The following NBEAL2 variants were observed in gnomAD, a reference collection of about 807,000 sequenced individuals.
NBEAL2 encodes neurobeachin like 2, also known as neurobeachin-like protein 2.
A neutral mutation model predicts 299.8 loss-of-function variants in NBEAL2; 160 were observed. The observed-to-expected ratio is 0.53, with a 90% CI of 0.47 to 0.61. The LOEUF is 0.61. Among genes scored for constraint, NBEAL2 ranks in the 20% least tolerant of loss-of-function variants. The pLI is 0.00. For synonymous variants in NBEAL2, 1,493 were observed against 1,542.3 expected (o/e 0.97, Z 0.75); for missense variants, 3,112 against 3,649.0 (o/e 0.85, Z 3.79).
rs1054543302 is a variant in NBEAL2 at position 46,994,288 on chromosome 3, G to T, written c.1198-167G>T. 2.2e-4 allele frequency among the ~76,000 whole-genome samples: 34 copies of T among 152,086 alleles called. 1 individual carries two copies. Among genetic ancestry groups the T allele is most frequent in the Non-Finnish European group, 1.0e-4 (7 of 68,004 alleles). On this transcript the variant is annotated intron_variant, in intron 11 of 53. Coordinates refer to ENST00000450053, the MANE Select transcript of NBEAL2 (RefSeq NM_015175.3). ...CTACAGCCTTCTGAGATGTACTCAC[G>T]TCCCCCCCATCCCTCTGCAGCCCAC...
intron 18 of NBEAL2, 31 bp downstream of exon 18, chr3:46,997,077 G>A: frequency 1.3e-6 from 2 of 1,597,554 alleles, no homozygotes; most frequent in Non-Finnish European, 1.7e-6. Flanking sequence ...GGTGTGTGCA[G>A]GAGGCATGAA....
intron 1 of NBEAL2, among the ~76,000 whole-genome samples, chr3:46,983,200 G>T (rs1340790416): frequency 6.6e-6 from 1 of 151,950 alleles, no homozygotes; most frequent in Non-Finnish European, 1.5e-5. Flanking sequence ...AGGCAACCTC[G>T]TCCTGCCTAC....
chr3:46,986,468 AG>A (rs2035679439), intron 1 of NBEAL2, among the ~76,000 whole-genome samples: 1 of 152,216 alleles, frequency 6.6e-6, no homozygotes, highest in South Asian at 2.1e-4. Flanking sequence ...CTGGAGAAGC[AG>A]GTTCTGGTTG....
At chr3:46,993,383 G>A (rs2036248039) in intron 10 of NBEAL2, among the ~76,000 whole-genome samples, 1 of 152,184 alleles carries the variant, frequency 6.6e-6, no homozygotes, top group Admixed American at 6.5e-5. Flanking sequence ...GGTGGGGCAG[G>A]AGAGGCAGCA....
Position 46,989,335 on chromosome 3 carries a change from G to T in NBEAL2, c.427G>T (p.Glu143Ter). 1 of 1,591,842 alleles carries T rather than the reference G, an allele frequency of 6.3e-7. No individual in the cohort carries two copies. Among genetic ancestry groups the T allele is most frequent in the Non-Finnish European group, 8.6e-7 (1 of 1,169,302 alleles). Residue 143 changes from glutamate (E) to a stop codon, truncating the protein, a stop_gained, in exon 5 of 54, where the codon GAG becomes TAG. Transcript: ENST00000450053. LOFTEE classifies it high-confidence loss of function. This position sits in a 1 kb window ranked among gnomAD's most constrained non-coding sequence, Gnocchi z 5.5. ...GGCCCTACATGCTCTGCTTCTCTGC[G>T]AGGGCCTCTTTGACCCTTACCAAAC... ...NVALHALLLC[E>*]GLFDPYQTWR...
Position 46,995,957 on chromosome 3 carries a change from C to T in NBEAL2, c.2057C>T (p.Pro686Leu). The T allele has an allele frequency of 6.2e-7, 1 of 1,613,390 alleles. No homozygotes were observed. The highest frequency in any genetic ancestry group is 8.5e-7 in the Non-Finnish European group (1 of 1,179,804). The change falls in exon 15 of 54, where the codon CCT becomes CTT. Residue 686 changes from proline to leucine, a missense_variant. By Grantham distance (98) the Pro-to-Leu change is moderately conservative (BLOSUM62 -3). Coordinates refer to ENST00000450053, the MANE Select transcript of NBEAL2 (RefSeq NM_015175.3). Reference protein sequence around the residue: ...AWHCVAIVHVPGRRPFSQNLV... With the variant: ...AWHCVAIVHVLGRRPFSQNLV... The stretch of plus-strand genomic sequence containing the variant: ...CACTGCGTGGCTATCGTCCATGTGC[C>T]TGGGCGCCGGCCCTTCAGCCAGAAC...
rs1369727907 is a variant in NBEAL2, at chr3:46,995,822, A to C, written c.2007A>C (p.Glu669Asp). The part of the protein sequence containing the change: ...RKEYLTMSLP[E>D]VSFADSAWHC... ...AGTATTTGACCATGAGTTTGCCCGA[A>C]GTGTCCTTTGCCGACTCTGCCTGGG... is the stretch of plus-strand genomic sequence containing the variant. Residue 669 changes from glutamate to aspartate, a missense_variant, in exon 14 of 54, where the codon GAA (glutamate) becomes GAC (aspartate). Glu to Asp is a conservative substitution (Grantham distance 45, BLOSUM62 2). This residue lies in a region of NBEAL2 where 2,243 missense variants were observed against 2,538.1 expected (regional missense o/e 0.88). Coordinates refer to ENST00000450053, the MANE Select transcript of NBEAL2 (RefSeq NM_015175.3). 11 of 1,613,716 alleles carry C rather than the reference A, an allele frequency of 6.8e-6. No individual in the cohort carries two copies. The highest frequency in any genetic ancestry group is 7.6e-6 in the Non-Finnish European group (9 of 1,179,882).
At chr3:46,986,962 A>G (rs1427989114) in intron 1 of NBEAL2, among the ~76,000 whole-genome samples, 1 of 151,892 alleles carries the variant, frequency 6.6e-6, no homozygotes, top group Non-Finnish European at 1.5e-5. Context: ...TGCCAGCAGG[A>G]GAGGGTGGAG....
rs748474569 is a variant in NBEAL2, at chr3:47,006,146, G to A, written c.6920-19G>A. 11 of 1,613,570 alleles carry A rather than the reference G, an allele frequency of 6.8e-6. No individual in the cohort carries two copies. The highest frequency in any genetic ancestry group is 5.0e-5 in the Admixed American group (3 of 59,998). On this transcript the variant is annotated intron_variant, in intron 43 of 53. Coordinates refer to ENST00000450053, the MANE Select transcript of NBEAL2 (RefSeq NM_015175.3). ...AGAGGGCACGCAGGGAGCCCTGACT[G>A]CTCTGCCTGCCTTCCCAGGGGCTGT... is the stretch of plus-strand genomic sequence containing the variant.
rs1189467291 is a variant in NBEAL2 at position 46,988,103 on chromosome 3, T to C, written c.52-566T>C. On this transcript the variant is annotated intron_variant, in intron 1 of 53. Transcript: ENST00000450053. This position sits in a 1 kb window ranked among gnomAD's most constrained non-coding sequence, Gnocchi z 4.4. ...GTAACCAGCAAGGGTGGGTGGAGGT[T>C]CCCGGGGCAAGGCAGGGCCGCACAT... 1 of 1,200,150 alleles carries C rather than the reference T, an allele frequency of 8.3e-7. No homozygotes were observed. Among genetic ancestry groups the C allele is most frequent in the Non-Finnish European group, 1.1e-6 (1 of 944,578 alleles). The allele number at this position is 1,200,150 out of a possible 1,614,324, so 74.3% of individuals were successfully genotyped here.
At position 46,989,009 on chromosome 3, in the gene NBEAL2, C is replaced by A; in HGVS notation, c.269+39C>A. On this transcript the variant is annotated intron_variant, in intron 3 of 53. Transcript: ENST00000450053. The surrounding 1 kb of genome is among the most constrained non-coding windows in gnomAD (Gnocchi z 5.5). The stretch of plus-strand genomic sequence containing the variant: ...CCACTCTACAAGCAGGGGCCTAGAA[C>A]TGTGGGCCAGAGGGAGAGGGGACAA... 1.2e-6 allele frequency: 2 copies of A among 1,612,224 alleles called. No individual in the cohort carries two copies. Among genetic ancestry groups the A allele is most frequent in the Non-Finnish European group, 1.7e-6 (2 of 1,179,102 alleles).
chr3:46,980,142 A>G (rs1367191173), intron 1 of NBEAL2, among the ~76,000 whole-genome samples: 1 of 152,158 alleles, frequency 6.6e-6, no homozygotes, highest in Non-Finnish European at 1.5e-5. Flanking sequence ...TGCACTTCAT[A>G]GCAACCCACC....
rs750925242 is a variant in NBEAL2, at chr3:46,989,092, G to A, written c.277G>A (p.Glu93Lys). The change falls in exon 4 of 54, where the codon GAG becomes AAG. Residue 93 changes from glutamate (E) to lysine (K), a missense_variant. Transcript: ENST00000450053. This position sits in a 1 kb window ranked among gnomAD's most constrained non-coding sequence, Gnocchi z 5.5. The part of the protein sequence containing the change: ...KLFIILCRNL[E>K]NIEAGRGQVL... ...CATCATTGACTCCCCCAGGAACCTG[G>A]AGAACATAGAGGCAGGCCGGGGCCA... 2.8e-5 allele frequency: 45 copies of A among 1,613,654 alleles called. No homozygotes were observed. The highest frequency in any genetic ancestry group is 3.7e-5 in the Non-Finnish European group (44 of 1,179,820).
chr3:46,999,617 C>T lies in NBEAL2; in HGVS notation c.3704-13C>T, dbSNP rs911584818. ...TGGTCAGTCCCTCAGGTCCCCCCAA[C>T]CCATCCCCCCAGATTGCCTGAACCT... On this transcript the variant is annotated splice_polypyrimidine_tract_variant and intron_variant, in intron 25 of 53. Coordinates refer to ENST00000450053, the MANE Select transcript of NBEAL2 (RefSeq NM_015175.3). 2.5e-6 allele frequency: 4 copies of T among 1,607,484 alleles called. No homozygotes were observed. The African/African-American group carries it at 5.3e-5, about 21-fold the overall frequency.
rs1321669218 is a variant in NBEAL2 at position 46,988,014 on chromosome 3, C to G, written c.52-655C>G. 23 of 1,278,476 alleles carry G rather than the reference C, an allele frequency of 1.8e-5. No homozygotes were observed. The highest frequency in any genetic ancestry group is 2.1e-5 in the Non-Finnish European group (21 of 983,382). The allele number at this position is 1,278,476 out of a possible 1,614,324, so 79.2% of individuals were successfully genotyped here. A position where few individuals can be genotyped will look rare whatever the true frequency, so the allele number is the denominator to read the frequency against. ...CACACCAAAGTTTTCCTGGCAGCGC[C>G]TAGACCTGGGCTTAGCCACTGCCCC... On this transcript the variant is annotated intron_variant, in intron 1 of 53. Transcript: ENST00000450053. The surrounding 1 kb of genome is among the most constrained non-coding windows in gnomAD (Gnocchi z 4.4).
Position 46,995,732 on chromosome 3 carries a change from C to G in NBEAL2, c.1917C>G (p.Gly639=). ...CCCCCAGCTTCTTTACCAGCAGCGG[C>G]TCAGGGTTTGAGGCCTTCTTCACGG... ...KQLYSFFTSS[G]SGFEAFFTAA... is the part of the protein sequence containing the mutation. The change falls in exon 14 of 54, where the codon GGC becomes GGG. Residue 639 remains glycine, a synonymous_variant. Transcript: ENST00000450053. 6.2e-7 allele frequency: 1 copy of G among 1,613,602 alleles called. No homozygotes were observed. The highest frequency in any genetic ancestry group is 8.5e-7 in the Non-Finnish European group (1 of 1,179,796).
rs773730989 is a variant in NBEAL2 at position 47,003,203 on chromosome 3, G to T, written c.5614G>T (p.Ala1872Ser). 2 of 1,611,950 alleles carry T rather than the reference G, an allele frequency of 1.2e-6. No homozygotes were observed. The highest frequency in any genetic ancestry group is 1.7e-6 in the Non-Finnish European group (2 of 1,178,906). Residue 1872 changes from alanine to serine, a missense_variant, in exon 35 of 54, where the codon GCC becomes TCC. Coordinates refer to ENST00000450053, the MANE Select transcript of NBEAL2 (RefSeq NM_015175.3). The surrounding 1 kb of genome is among the most constrained non-coding windows in gnomAD (Gnocchi z 7.0). ...GEVPLTPTEEASLPLAVTKEA... is the reference protein window; with the variant it reads ...GEVPLTPTEESSLPLAVTKEA... The stretch of plus-strand genomic sequence containing the variant: ...GGTTCCCCTGACACCCACCGAGGAG[G>T]CCTCACTGCCTCTGGCAGTGACCAA...
Position 47,007,506 on chromosome 3 carries a change from A to T in NBEAL2, c.7335-19A>T, listed in dbSNP as rs370058494. ...TCCATGTGGCCTGGCCTCACTTGCT[A>T]TCCCCCTCACTGGGTCAGGACGCAG... On this transcript the variant is annotated intron_variant, in intron 47 of 53. Coordinates refer to ENST00000450053, the MANE Select transcript of NBEAL2 (RefSeq NM_015175.3). 5 of 1,602,658 alleles carry T rather than the reference A, an allele frequency of 3.1e-6. No individual in the cohort carries two copies. In the African/African-American group the frequency reaches 6.7e-5, roughly 21 times the overall value.
chr3:46,999,648 A>C lies in NBEAL2; in HGVS notation c.3722A>C (p.Asp1241Ala). Reference protein sequence around the residue: ...FLGADCLNLSDLLAVVQLSLQ... With the variant: ...FLGADCLNLSALLAVVQLSLQ... ...CCCCCAGATTGCCTGAACCTCTCAGATCTGCTGGCTGTGGTACAGCTGTCC... is the reference window on the plus strand; with the variant it reads ...CCCCCAGATTGCCTGAACCTCTCAGCTCTGCTGGCTGTGGTACAGCTGTCC... The change falls in exon 26 of 54, where the codon GAT becomes GCT. Residue 1241 changes from aspartate (D) to alanine (A), a missense_variant. By Grantham distance (126) the Asp-to-Ala change is moderately radical. Around this residue, in one of 3 missense-constraint regions of NBEAL2, gnomAD observed 2,243 missense variants for 2,538.1 expected, o/e 0.88. Coordinates refer to ENST00000450053, the MANE Select transcript of NBEAL2 (RefSeq NM_015175.3). 6.2e-7 allele frequency: 1 copy of C among 1,613,010 alleles called. No homozygotes were observed. Among genetic ancestry groups the C allele is most frequent in the South Asian group, 1.1e-5 (1 of 91,038 alleles).
Sources: gnomAD v4.1 joint callset for allele counts (sites outside exome capture counted in the v4.1 genomes callset) on GRCh38, gnomAD v4.1.1 for gene constraint, gnomAD v4.1.1 regional missense constraint, Gnocchi (gnomAD v3.1) non-coding constraint, MANE v1.5 for transcripts, NCBI Gene and HGNC (gene_info 2026-07-23, HGNC 2026-07-21) for gene names.